The following ACBD6 variants were observed in gnomAD, a reference collection of about 807,000 sequenced individuals.
ACBD6 encodes acyl-CoA-binding domain-containing protein 6.
In ACBD6, 28 loss-of-function variants were observed where a neutral mutation model predicts 37.2. The observed-to-expected ratio is 0.75, with a 90% CI of 0.56 to 1.03. The LOEUF is 1.03. Among genes scored for constraint, ACBD6 ranks in the 50% least tolerant of loss-of-function variants. ACBD6 has a pLI of 0.00. For missense variants in ACBD6, 340 were observed against 337.4 expected, an observed-to-expected ratio of 1.01 and a Z score of -0.06; for synonymous variants, 113 against 126.8, an observed-to-expected ratio of 0.89 and a Z score of 0.73.
intron 3 of ACBD6, among the ~76,000 whole-genome samples, chr1:180,459,967 CTTTTTTTTTTT>C (rs67323272): frequency 2.3e-4 from 25 of 107,968 alleles, no homozygotes; most frequent in Admixed American, 5.8e-4. Flanking sequence ...CAGACTGCTT[CTTTTTTTTTTT>C]TTTTTTTTTT....
chr1:180,475,315 A>G (rs183977249), intron 3 of ACBD6, among the ~76,000 whole-genome samples: 2 of 152,258 alleles, frequency 1.3e-5, no homozygotes, highest in African/African-American at 4.8e-5. Flanking sequence ...CCTGCTGTTT[A>G]TTCCTACTTT....
intron 3 of ACBD6, among the ~76,000 whole-genome samples, chr1:180,433,068 C>G (rs928286935): frequency 2.6e-5 from 4 of 152,092 alleles, no homozygotes; most frequent in African/African-American, 9.7e-5. Context: ...GAGGTCTTAT[C>G]CTCACATCAA....
At chr1:180,431,621 G>A (rs539423548) in intron 3 of ACBD6, among the ~76,000 whole-genome samples, 1 of 152,180 alleles carries the variant, frequency 6.6e-6, no homozygotes, top group African/African-American at 2.4e-5. Context: ...ATTATAAGCT[G>A]AGGAACGTGT....
At chr1:180,397,376 G>T in intron 6 of ACBD6, 140 bp downstream of exon 6, 1 of 790,444 alleles carries the variant, frequency 1.3e-6, no homozygotes, top group Non-Finnish European at 2.2e-6. Flanking sequence ...GAACTATATA[G>T]TAGCAATGAT....
chr1:180,283,078 G>A (rs1471883753), intron 8 of ACBD6, among the ~76,000 whole-genome samples: 3 of 142,926 alleles, frequency 2.1e-5, no homozygotes, highest in Non-Finnish European at 4.5e-5. Context: ...TGTACTCCAT[G>A]AAAGCCATGG....
chr1:180,474,815 A>G (rs568057356), intron 3 of ACBD6, among the ~76,000 whole-genome samples: 2 of 152,252 alleles, frequency 1.3e-5, no homozygotes, highest in Non-Finnish European at 2.9e-5. Context: ...ATCCTCCTTC[A>G]CTGGATTTCA....
chr1:180,316,311 A>AGTGT (rs142767435), intron 6 of ACBD6, among the ~76,000 whole-genome samples: 5 of 150,114 alleles, frequency 3.3e-5, no homozygotes, highest in African/African-American at 1.2e-4. Flanking sequence ...AATCAATGAA[A>AGTGT]GTGTGTGTGT....
chr1:180,341,366 G>A (rs187185966), intron 6 of ACBD6, among the ~76,000 whole-genome samples: 400 of 152,178 alleles, frequency 2.6e-3, no homozygotes, highest in African/African-American at 9.4e-3. Context: ...ACTATGTAGA[G>A]CATGGTCCCA....
At chr1:180,482,840 T>C (rs1382452196) in intron 3 of ACBD6, among the ~76,000 whole-genome samples, 1 of 152,178 alleles carries the variant, frequency 6.6e-6, no homozygotes, top group African/African-American at 2.4e-5. Context: ...AAGATACTTC[T>C]AGGGAATGGG....
chr1:180,442,599 T>A lies in ACBD6; in HGVS notation c.385-12337A>T, dbSNP rs116062229. On this transcript the variant is annotated intron_variant, in intron 3 of 7. Transcript: ENST00000367595. ...TCTGGGTCTCCAATTATATGAATGCTACATTGCTTTGTATTTTCCCACAGC... is the reference window on the plus strand; with the variant it reads ...TCTGGGTCTCCAATTATATGAATGCAACATTGCTTTGTATTTTCCCACAGC... Among the ~76,000 whole-genome samples the A allele has an allele frequency of 2.1e-3, 316 of 152,362 alleles. 1 individual carries two copies. The highest frequency in any genetic ancestry group is 6.9e-3 in the African/African-American group (286 of 41,586).
chr1:180,308,911 T>C (rs886066935), intron 7 of ACBD6, among the ~76,000 whole-genome samples: 2 of 152,202 alleles, frequency 1.3e-5, no homozygotes, highest in Admixed American at 6.5e-5. Context: ...ATTCAAATAT[T>C]TGTTGAATGA....
chr1:180,368,236 C>T (rs1653122917), intron 6 of ACBD6, among the ~76,000 whole-genome samples: 1 of 151,390 alleles, frequency 6.6e-6, no homozygotes, highest in Admixed American at 6.6e-5. Flanking sequence ...TAATGGGGTT[C>T]TCTCTTGTAA....
intron 4 of ACBD6, among the ~76,000 whole-genome samples, chr1:180,421,431 T>C (rs1440492124): frequency 6.6e-6 from 1 of 152,230 alleles, no homozygotes; most frequent in Admixed American, 6.5e-5. Flanking sequence ...CCCATGTCTT[T>C]GCTATTGTGA....
At chr1:180,417,059 T>C (rs995493083) in intron 4 of ACBD6, among the ~76,000 whole-genome samples, 1 of 152,236 alleles carries the variant, frequency 6.6e-6, no homozygotes, top group East Asian at 1.9e-4. Context: ...CCAAAGAAAG[T>C]AAGCCAATAT....
intron 5 of ACBD6, among the ~76,000 whole-genome samples, chr1:180,406,760 T>C (rs1285944494): frequency 1.3e-5 from 2 of 152,270 alleles, no homozygotes; most frequent in East Asian, 3.9e-4. Flanking sequence ...ACCTGCTGAA[T>C]TAAGATTTTA....
At chr1:180,437,103 T>C (rs1465891568) in intron 3 of ACBD6, among the ~76,000 whole-genome samples, 2 of 152,348 alleles carry the variant, frequency 1.3e-5, no homozygotes, top group Non-Finnish European at 1.5e-5. Flanking sequence ...GCAGAATAAA[T>C]CTCTTCAAAT....
intron 6 of ACBD6, among the ~76,000 whole-genome samples, chr1:180,391,597 G>GT (rs1252236044): frequency 5.3e-5 from 8 of 152,056 alleles, no homozygotes; most frequent in African/African-American, 1.9e-4. Context: ...CAAAACCACA[G>GT]TGAGATGCTA....
intron 1 of ACBD6, among the ~76,000 whole-genome samples, chr1:180,500,702 A>G (rs1409375182): frequency 6.6e-6 from 1 of 150,864 alleles, no homozygotes; most frequent in Non-Finnish European, 1.5e-5. Context: ...CTCAAAAAAA[A>G]AAAAAAAAAA....
intron 6 of ACBD6, among the ~76,000 whole-genome samples, chr1:180,347,135 T>C (rs138597959): frequency 2.8e-4 from 43 of 152,224 alleles, no homozygotes; most frequent in African/African-American, 1.0e-3. Flanking sequence ...GCAGTGTTAG[T>C]AGTAAAGAGC....
Sources: gnomAD v4.1 joint callset for allele counts (sites outside exome capture counted in the v4.1 genomes callset) on GRCh38, gnomAD v4.1.1 for gene constraint, MANE v1.5 for transcripts, NCBI Gene and HGNC (gene_info 2026-07-23, HGNC 2026-07-21) for gene names.